Variants in TUSC3 observed in about 807,000 individuals in gnomAD.
TUSC3 encodes dolichyl-diphosphooligosaccharide--protein glycosyltransferase subunit TUSC3.
TUSC3 carries 45 observed loss-of-function variants against 44.8 expected under a neutral mutation model. That is an observed-to-expected ratio of 1.00 (90% CI 0.79 to 1.29). The LOEUF (loss-of-function observed/expected upper bound fraction) is 1.29. Ranked by LOEUF, TUSC3 falls within the 50% of genes most tolerant of loss-of-function variation. TUSC3 has a pLI of 0.00. For missense variants in TUSC3, 519 were observed against 437.9 expected, an observed-to-expected ratio of 1.19 and a Z score of -1.65; for synonymous variants, 212 against 152.9, an observed-to-expected ratio of 1.39 and a Z score of -2.85.
At chr8:15,842,555 T>C in the TUSC3 span, among the ~76,000 whole-genome samples, 7 of 152,090 alleles carry the variant, frequency 4.6e-5, no homozygotes, top group Non-Finnish European at 8.8e-5. Context: ...CAGTCCTCCA[T>C]GGAGCAAAAT....
the TUSC3 span, chr8:15,807,067 C>T: frequency 1.4e-6 from 2 of 1,402,052 alleles, no homozygotes; most frequent in South Asian, 2.3e-5. Context: ...AACAAATGCT[C>T]ACAGCAGTAT....
intron 1 of TUSC3, among the ~76,000 whole-genome samples, chr8:15,593,590 A>G (rs1170944837): frequency 1.3e-5 from 2 of 152,100 alleles, no homozygotes; most frequent in South Asian, 4.1e-4. Flanking sequence ...GTTATTTGCC[A>G]TGTATTGTCA....
At chr8:15,771,717 T>G in the TUSC3 span, among the ~76,000 whole-genome samples, 1 of 151,992 alleles carries the variant, frequency 6.6e-6, no homozygotes, top group Non-Finnish European at 1.5e-5. Flanking sequence ...AAACAAAAAT[T>G]CTACATACCA....
At chr8:15,700,059 C>A (rs1335933177) in intron 6 of TUSC3, among the ~76,000 whole-genome samples, 1 of 152,070 alleles carries the variant, frequency 6.6e-6, no homozygotes, top group Non-Finnish European at 1.5e-5. Flanking sequence ...ATACCCTGTC[C>A]TGTGTGTGTT....
intron 1 of TUSC3, among the ~76,000 whole-genome samples, chr8:15,561,369 C>T (rs1190264447): frequency 2.1e-5 from 3 of 143,190 alleles, no homozygotes; most frequent in Non-Finnish European, 3.1e-5. Context: ...GTTCTCAGAT[C>T]TCCAGCTGCG....
the TUSC3 span, among the ~76,000 whole-genome samples, chr8:15,783,606 CAAG>C: frequency 1.3e-5 from 2 of 152,034 alleles, no homozygotes; most frequent in South Asian, 4.1e-4. Context: ...ACAAAAGTGT[CAAG>C]AACACACAAT....
chr8:15,529,159 A>T (rs1161197819), intron 2 of TUSC3, among the ~76,000 whole-genome samples: 1 of 152,218 alleles, frequency 6.6e-6, no homozygotes, highest in East Asian at 1.9e-4. Context: ...CACAAACACA[A>T]GTTCTAAAAT....
intron 2 of TUSC3, among the ~76,000 whole-genome samples, chr8:15,517,677 T>G (rs746501174): frequency 6.6e-6 from 1 of 152,078 alleles, no homozygotes; most frequent in African/African-American, 2.4e-5. Flanking sequence ...CAAGTTATAC[T>G]GCACACGAAA....
chr8:15,537,687 A>G (rs188048099), upstream of TUSC3, among the ~76,000 whole-genome samples: 293 of 152,264 alleles, frequency 1.9e-3, no homozygotes, highest in Middle Eastern at 0.01. Flanking sequence ...TAAAGGCAGC[A>G]TGTTTGGGGA....
At chr8:15,467,103 A>G (rs970808958) in intron 1 of TUSC3, among the ~76,000 whole-genome samples, 1 of 152,080 alleles carries the variant, frequency 6.6e-6, no homozygotes, top group Non-Finnish European at 1.5e-5. Context: ...CTATTTGGGA[A>G]GGATTCAGAA....
At chr8:15,490,877 T>G (rs1369458667) in intron 2 of TUSC3, among the ~76,000 whole-genome samples, 1 of 152,200 alleles carries the variant, frequency 6.6e-6, no homozygotes, top group African/African-American at 2.4e-5. Flanking sequence ...AGAAGTTTAT[T>G]TTTCCAAGGT....
the TUSC3 span, among the ~76,000 whole-genome samples, chr8:15,828,099 ACT>A: frequency 6.6e-6 from 1 of 150,686 alleles, no homozygotes; most frequent in African/African-American, 2.4e-5. Context: ...GGTTCAAGCA[ACT>A]CTCCTGCCTC....
chr8:15,523,656 A>G (rs1446677796), intron 2 of TUSC3, among the ~76,000 whole-genome samples: 28 of 93,534 alleles, frequency 3.0e-4, no homozygotes, highest in East Asian at 2.6e-3. Flanking sequence ...ATATATATAT[A>G]TATATATATG....
At chr8:15,662,846 A>G (rs532116390) in intron 5 of TUSC3, among the ~76,000 whole-genome samples, 1 of 152,062 alleles carries the variant, frequency 6.6e-6, no homozygotes, top group South Asian at 2.1e-4. Context: ...ACAGGAGAGA[A>G]ACCTAACCTA....
At chr8:15,823,648 T>C in the TUSC3 span, among the ~76,000 whole-genome samples, 1 of 152,204 alleles carries the variant, frequency 6.6e-6, no homozygotes, top group Non-Finnish European at 1.5e-5. Flanking sequence ...TTGACAAAGT[T>C]TCTCCATATA....
At chr8:15,745,273 A>G (rs889213345) in intron 8 of TUSC3, among the ~76,000 whole-genome samples, 3 of 152,050 alleles carry the variant, frequency 2.0e-5, no homozygotes, top group Non-Finnish European at 4.4e-5. Context: ...TAAACATAAG[A>G]GTGCATGGGT....
chr8:15,581,880 G>A (rs1803364020), intron 1 of TUSC3, among the ~76,000 whole-genome samples: 1 of 133,386 alleles, frequency 7.5e-6, no homozygotes, highest in African/African-American at 3.2e-5. Flanking sequence ...AATCAAGCCT[G>A]GGCAATGGCG....
At chr8:15,515,395 G>A (rs1310138214) in intron 2 of TUSC3, among the ~76,000 whole-genome samples, 1 of 152,100 alleles carries the variant, frequency 6.6e-6, no homozygotes, top group Admixed American at 6.6e-5. Flanking sequence ...TGAACTTACA[G>A]AAGATTCCCT....
the TUSC3 span, among the ~76,000 whole-genome samples, chr8:15,811,556 G>A: frequency 6.6e-6 from 1 of 152,190 alleles, no homozygotes; most frequent in African/African-American, 2.4e-5. Context: ...CAGAGAGCTG[G>A]ATCCAACCAG....
Sources: allele counts gnomAD v4.1 joint callset (sites outside exome capture counted in the v4.1 genomes callset), GRCh38; gene constraint gnomAD v4.1.1; transcripts MANE v1.5; gene names NCBI Gene and HGNC (gene_info 2026-07-23, HGNC 2026-07-21).